The following MYH16 variants were observed in gnomAD, a reference collection of about 807,000 sequenced individuals.
MYH16 encodes the protein myosin heavy chain 16.
intron 37 of MYH16, among the ~76,000 whole-genome samples, 187 bp downstream of exon 18, chr7:99,299,845 C>T (rs900079412): frequency 6.6e-6 from 1 of 151,830 alleles, no homozygotes; most frequent in Non-Finnish European, 1.5e-5. Context: ...CCTCAACCAC[C>T]GAAAGTCCAG....
intron 23 of MYH16, among the ~76,000 whole-genome samples, chr7:99,281,320 G>T (rs1302696107): frequency 6.6e-6 from 1 of 152,124 alleles, no homozygotes; most frequent in Non-Finnish European, 1.5e-5. Flanking sequence ...ACTTTGGGAG[G>T]CTGAGGCAGG....
chr7:99,272,542 G>A (rs1792059399), intron 19 of MYH16, among the ~76,000 whole-genome samples: 1 of 152,006 alleles, frequency 6.6e-6, no homozygotes, highest in Admixed American at 6.6e-5. Flanking sequence ...TTTGAGACCA[G>A]CCTGGGCAAC....
At chr7:99,288,938 C>T (rs780526654) in intron 29 of MYH16, among the ~76,000 whole-genome samples, 1 of 152,030 alleles carries the variant, frequency 6.6e-6, no homozygotes, top group Non-Finnish European at 1.5e-5. Context: ...ACAGTGAAAC[C>T]CTGTCTCTAC....
intron 22 of MYH16, among the ~76,000 whole-genome samples, chr7:99,280,175 C>A (rs1792183091): frequency 6.6e-6 from 1 of 152,254 alleles, no homozygotes; most frequent in South Asian, 2.1e-4. Context: ...ACCCAGCCCA[C>A]ATGGGGCTAT....
chr7:99,288,746 G>A (rs1792323949), intron 29 of MYH16, among the ~76,000 whole-genome samples: 1 of 152,112 alleles, frequency 6.6e-6, no homozygotes, highest in Non-Finnish European at 1.5e-5. Flanking sequence ...TTCTTCATCT[G>A]TAACATGAAG....
chr7:99,266,297 T>A (rs1791986510), intron 17 of MYH16, among the ~76,000 whole-genome samples: 1 of 152,184 alleles, frequency 6.6e-6, no homozygotes, highest in East Asian at 1.9e-4. Flanking sequence ...ACCTCCCAGA[T>A]AAACTACTTG....
chr7:99,278,640 G>T (rs1792152213), intron 21 of MYH16, among the ~76,000 whole-genome samples: 1 of 152,198 alleles, frequency 6.6e-6, no homozygotes, highest in African/African-American at 2.4e-5. Context: ...GACATTTAGA[G>T]ATTTGATCAA....
intron 41 of MYH16, among the ~76,000 whole-genome samples, 174 bp from the exon 23 acceptor site, chr7:99,306,435 G>C (rs1165144229): frequency 6.6e-6 from 1 of 152,116 alleles, no homozygotes; most frequent in Non-Finnish European, 1.5e-5. Flanking sequence ...GCTAAGGCAG[G>C]AGAATTGCTG....
At chr7:99,250,634 CAG>C (rs752156212) in intron 5 of MYH16, among the ~76,000 whole-genome samples, 6 of 152,124 alleles carry the variant, frequency 3.9e-5, no homozygotes, top group Non-Finnish European at 5.9e-5. Flanking sequence ...CCCAGCTACT[CAG>C]GGGGCTGAAG....
chr7:99,303,228 C>G (rs1040479673), intron 39 of MYH16, 38 bp downstream of exon 20: 1 of 152,648 alleles, frequency 6.6e-6, no homozygotes, highest in Admixed American at 6.5e-5. Flanking sequence ...CAGGCAGGGC[C>G]TAGGCGCCTG....
At chr7:99,243,655 C>T (rs1791693691) in intron 2 of MYH16, among the ~76,000 whole-genome samples, 1 of 152,134 alleles carries the variant, frequency 6.6e-6, no homozygotes, top group Admixed American at 6.5e-5. Flanking sequence ...AGGCTGTCAC[C>T]CGAAAATCTT....
chr7:99,292,315 C>T (rs1480687320), exon 32 of MYH16: 7 of 456,188 alleles, frequency 1.5e-5, no homozygotes, highest in East Asian at 6.9e-5. Context: ...CCCACAGTCT[C>T]GCAGCACCGC....
intron 37 of MYH16, among the ~76,000 whole-genome samples, chr7:99,300,200 T>C (rs1011036436): frequency 6.6e-6 from 1 of 152,058 alleles, no homozygotes; most frequent in Non-Finnish European, 1.5e-5. Flanking sequence ...CCTCAGGTGA[T>C]CCACCCACCT....
At chr7:99,281,753 C>A (rs1289281336) in intron 23 of MYH16, among the ~76,000 whole-genome samples, 1 of 152,234 alleles carries the variant, frequency 6.6e-6, no homozygotes, top group Non-Finnish European at 1.5e-5. Flanking sequence ...GACCCACCGA[C>A]TTTCCCAGGC....
At chr7:99,298,046 A>C (rs1792529100) in intron 36 of MYH16, 51 bp downstream of exon 17, 2 of 454,338 alleles carry the variant, frequency 4.4e-6, no homozygotes, top group East Asian at 6.9e-5. Flanking sequence ...GTGATGGAGC[A>C]GAGTCCAGAA....
intron 33 of MYH16, among the ~76,000 whole-genome samples, chr7:99,294,845 C>T (rs1260359253): frequency 6.6e-6 from 1 of 152,092 alleles, no homozygotes; most frequent in African/African-American, 2.4e-5. Flanking sequence ...GGATTATAGG[C>T]GTGAGCCACT....
intron 11 of MYH16, among the ~76,000 whole-genome samples, chr7:99,259,339 T>G (rs1243442925): frequency 1.3e-5 from 2 of 152,196 alleles, no homozygotes; most frequent in African/African-American, 4.8e-5. Flanking sequence ...TGGGGCCGCA[T>G]GCAGTGGCTT....
exon 29 of MYH16, chr7:99,288,014 C>G (rs1049062560): frequency 8.8e-6 from 4 of 456,724 alleles, no homozygotes; most frequent in Non-Finnish European, 1.8e-5. Context: ...ACTCCATGGC[C>G]GAGCTGACGG....
chr7:99,245,747 C>T (rs1041784171), intron 2 of MYH16, among the ~76,000 whole-genome samples: 4 of 152,096 alleles, frequency 2.6e-5, no homozygotes, highest in Non-Finnish European at 4.4e-5. Context: ...ACGCTGGTCT[C>T]GAACTCCTGA....
Sources: gnomAD v4.1 joint callset for allele counts (sites outside exome capture counted in the v4.1 genomes callset) on GRCh38, gnomAD v4.1.1 for gene constraint, MANE v1.5 for transcripts, NCBI Gene and HGNC (gene_info 2026-07-23, HGNC 2026-07-21) for gene names.